Variants in TBCB observed in about 807,000 individuals in gnomAD.
TBCB encodes the protein tubulin-folding cofactor B.
Under a neutral mutation model 29.2 loss-of-function variants are expected in TBCB, and 18 were observed. The ratio of observed to expected loss-of-function variants is 0.62; its 90% confidence interval spans 0.43 to 0.91. TBCB has a LOEUF of 0.91. Among genes scored for constraint, TBCB ranks in the 40% least tolerant of loss-of-function variants. The pLI is 0.00. For missense variants in TBCB, 336 were observed against 337.6 expected, an observed-to-expected ratio of 1.00 and a Z score of 0.04; for synonymous variants, 172 against 137.8, an observed-to-expected ratio of 1.25 and a Z score of -1.74.
chr19:36,123,387 A>T (rs540632039), intron 4 of TBCB, among the ~76,000 whole-genome samples: 3 of 151,416 alleles, frequency 2.0e-5, no homozygotes, highest in Non-Finnish European at 4.4e-5. Context: ...CGGCCTCCTG[A>T]GTAGCTGGGA....
In TBCB at chr19:36,115,555, G is replaced by C; in HGVS notation, c.-6G>C. On this transcript the variant is annotated 5_prime_UTR_variant, in exon 1 of 6. Coordinates refer to ENST00000221855, the MANE Select transcript of TBCB (RefSeq NM_001281.3). Reference sequence around the variant, plus strand: ...CGCGCTGCAGGCATCCGCAGGGCGCGGCAAGATGGAGGTGACGGGGGTGTC... The same window carrying C: ...CGCGCTGCAGGCATCCGCAGGGCGCCGCAAGATGGAGGTGACGGGGGTGTC... 1.9e-6 allele frequency: 3 copies of C among 1,600,428 alleles called. No individual in the cohort carries two copies. The highest frequency in any genetic ancestry group is 2.6e-6 in the Non-Finnish European group (3 of 1,174,042).
At chr19:36,121,927 C>T in intron 4 of TBCB, 1 of 676,150 alleles carries the variant, frequency 1.5e-6, no homozygotes, top group Non-Finnish European at 2.5e-6. Flanking sequence ...GAGGCGCAGG[C>T]GGAGTGATCT....
rs1295179803 is a variant in TBCB, at chr19:36,115,639, C to A, written c.79C>A (p.Arg27=). Residue 27 remains arginine, a synonymous_variant, in exon 1 of 6, where the codon CGA becomes AGA. Transcript: ENST00000221855. The stretch of plus-strand genomic sequence containing the variant: ...CCTCAACACCTTCCGCTCCGAGAAG[C>A]GATACAGCCGCAGCCTCACCATCGC... ...SSLNTFRSEK[R]YSRSLTIAEF... The A allele has an allele frequency of 6.2e-7, 1 of 1,605,592 alleles. No individual in the cohort carries two copies. Among genetic ancestry groups the A allele is most frequent in the Non-Finnish European group, 8.5e-7 (1 of 1,177,242 alleles).
Position 36,125,749 on chromosome 19 carries a change from C to T in TBCB, c.702C>T (p.Phe234=). 6.4e-7 allele frequency: 1 copy of T among 1,563,358 alleles called. No homozygotes were observed. The highest frequency in any genetic ancestry group is 8.7e-7 in the Non-Finnish European group (1 of 1,154,912). ...CAGCAGTCGTGACGGTGGGGGACTTCCCGGAGGAGGACTACGGGTTGGACG... is the reference window on the plus strand; with the variant it reads ...CAGCAGTCGTGACGGTGGGGGACTTTCCGGAGGAGGACTACGGGTTGGACG... ...VKPAVVTVGD[F]PEEDYGLDEI is the part of the protein sequence containing the mutation. The change falls in exon 6 of 6, where the codon TTC becomes TTT. Residue 234 remains phenylalanine, a synonymous_variant. Transcript: ENST00000221855.
intron 4 of TBCB, chr19:36,121,988 G>A (rs933643487): frequency 3.6e-6 from 2 of 548,006 alleles, no homozygotes; most frequent in Non-Finnish European, 3.2e-6. Context: ...TGTGCGCTTC[G>A]AAGCGTGGGG....
chr19:36,121,773 ATGT>A, intron 4 of TBCB, 55 bp downstream of exon 4: 1 of 1,545,628 alleles, frequency 6.5e-7, no homozygotes, highest in Non-Finnish European at 8.7e-7. Flanking sequence ...CCGGGAGGAA[ATGT>A]TGGGGGCACA....
chr19:36,115,908 G>A, intron 1 of TBCB, 133 bp from the exon 2 acceptor site: 2 of 1,356,606 alleles, frequency 1.5e-6, no homozygotes, highest in Non-Finnish European at 2.0e-6. Context: ...GGCAAGAGGC[G>A]AGGGGCTGGA....
In TBCB at chr19:36,116,191, A is replaced by ACT. The variant is rs749271575; in HGVS notation, c.258+12_258+13dup. ...TGACGGCTGCCGCATCCACGTGAGG[A>ACT]CTCTCTATCTGGGACACTCCCCCAC... On this transcript the variant is annotated splice_region_variant and intron_variant, in intron 2 of 5. Coordinates refer to ENST00000221855, the MANE Select transcript of TBCB (RefSeq NM_001281.3). 8.7e-6 allele frequency: 14 copies of ACT among 1,613,096 alleles called. No individual in the cohort carries two copies. The highest frequency in any genetic ancestry group is 1.2e-5 in the Non-Finnish European group (14 of 1,179,514).
intron 4 of TBCB, among the ~76,000 whole-genome samples, chr19:36,123,543 G>T (rs970407720): frequency 6.6e-6 from 1 of 152,062 alleles, no homozygotes; most frequent in African/African-American, 2.4e-5. Flanking sequence ...GGGATTACAG[G>T]TGTGAGCCAC....
At chr19:36,117,192 A>G (rs75735458) in intron 2 of TBCB, among the ~76,000 whole-genome samples, 2,462 of 152,152 alleles carry the variant, frequency 0.016, 78 homozygotes, top group African/African-American at 0.056. Flanking sequence ...CTCCTCTGAC[A>G]CACTCTGGAT....
chr19:36,122,835 C>T (rs1420219867), intron 4 of TBCB, among the ~76,000 whole-genome samples: 8 of 152,004 alleles, frequency 5.3e-5, no homozygotes, highest in Middle Eastern at 3.4e-3. Flanking sequence ...GGGTGGGGAC[C>T]GGGCTTCTAG....
intron 1 of TBCB, 62 bp downstream of exon 1, chr19:36,115,736 G>A: frequency 1.5e-6 from 2 of 1,372,452 alleles, no homozygotes; most frequent in East Asian, 2.5e-5. Context: ...TTCCCGGAAG[G>A]GGGAGGCTGG....
chr19:36,119,502 A>G (rs1329747883), intron 2 of TBCB, among the ~76,000 whole-genome samples: 1 of 152,020 alleles, frequency 6.6e-6, no homozygotes, highest in African/African-American at 2.4e-5. Context: ...CCCGCTCCCC[A>G]TCTCAGCCAG....
upstream of TBCB, chr19:36,115,377 C>G (rs1185039719): frequency 5.0e-6 from 3 of 596,696 alleles, no homozygotes; most frequent in Admixed American, 9.2e-5. Flanking sequence ...AAGGAGAGCC[C>G]TCTTCCTGGC....
upstream of TBCB, chr19:36,115,391 G>T: frequency 1.7e-6 from 1 of 602,798 alleles, no homozygotes. Context: ...TCCTGGCGGT[G>T]GGGAAGGGAC....
At chr19:36,120,135 TC>T (rs764313748) in intron 2 of TBCB, among the ~76,000 whole-genome samples, 4 of 152,126 alleles carry the variant, frequency 2.6e-5, no homozygotes, top group Non-Finnish European at 5.9e-5. Context: ...TCCATAGCCA[TC>T]CTCCAGTGTT....
At chr19:36,115,944 G>C (rs1334496350) in intron 1 of TBCB, 97 bp from the exon 2 acceptor site, 3 of 1,527,606 alleles carry the variant, frequency 2.0e-6, no homozygotes, top group African/African-American at 2.7e-5. Context: ...TCCTGACTGG[G>C]GGGTCTTTTG....
intron 1 of TBCB, 26 bp downstream of exon 1, chr19:36,115,700 A>C: frequency 2.9e-4 from 63 of 218,134 alleles, no homozygotes; most frequent in Non-Finnish European, 3.9e-4. Context: ...CGGGGTCCGG[A>C]GGGGCGGGGC....
chr19:36,125,228 G>A (rs79645164), intron 4 of TBCB, among the ~76,000 whole-genome samples: 2,167 of 152,300 alleles, frequency 0.014, 118 homozygotes, highest in South Asian at 0.12. Context: ...CCAGTGAATG[G>A]GGGACAGGGG....
Sources: gnomAD v4.1 joint callset for allele counts (sites outside exome capture counted in the v4.1 genomes callset) on GRCh38, gnomAD v4.1.1 for gene constraint, MANE v1.5 for transcripts, NCBI Gene and HGNC (gene_info 2026-07-23, HGNC 2026-07-21) for gene names.